Variants in TTC17 observed in about 807,000 individuals in gnomAD.
TTC17 encodes tetratricopeptide repeat protein 17.
Under a neutral mutation model 143.8 loss-of-function variants are expected in TTC17, and 58 were observed. That is an observed-to-expected ratio of 0.40 (90% confidence interval 0.33 to 0.50). The LOEUF is 0.50. Among genes scored for constraint, TTC17 ranks in the 20% least tolerant of loss-of-function variants. TTC17 has a pLI of 0.49. For synonymous variants in TTC17, 501 were observed against 497.8 expected (o/e 1.01, Z -0.09); for missense variants, 1,273 against 1,392.5 (o/e 0.91, Z 1.37).
At chr11:43,418,254 G>A (rs941496861) in intron 16 of TTC17, among the ~76,000 whole-genome samples, 3 of 152,128 alleles carry the variant, frequency 2.0e-5, no homozygotes, top group African/African-American at 7.2e-5. Flanking sequence ...TATAGCAGCT[G>A]TTTATCATCA....
intron 10 of TTC17, among the ~76,000 whole-genome samples, 158 bp from the exon 11 acceptor site, chr11:43,403,840 G>A: frequency 7.5e-6 from 1 of 133,434 alleles, no homozygotes; most frequent in Admixed American, 7.5e-5. Context: ...ATATCGTTGG[G>A]GCATAGTTCT....
chr11:43,412,010 C>T (rs1858434954), intron 15 of TTC17, among the ~76,000 whole-genome samples: 3 of 152,112 alleles, frequency 2.0e-5, no homozygotes, highest in African/African-American at 7.2e-5. Context: ...ATCTTTTTAA[C>T]TATTTTTAAT....
Position 43,451,235 on chromosome 11 carries a change from T to G in TTC17, c.3000T>G (p.Ile1000Met), listed in dbSNP as rs1947652010. ...DQYPQQSLEQ[I>M]GTRIAKVLEK... ...ATCCACAACAGTCGCTTGAACAGAT[T>G]GGCACCCGAATTGCCAAAGTTTTGG... The change falls in exon 21 of 24, where the codon ATT becomes ATG. Residue 1000 changes from isoleucine (I) to methionine (M), a missense_variant. This residue lies in a region of TTC17 where 878 missense variants were observed against 899.8 expected (regional missense o/e 0.98). Coordinates refer to ENST00000039989, the MANE Select transcript of TTC17 (RefSeq NM_018259.6). 2 of 1,613,678 alleles carry G rather than the reference T, an allele frequency of 1.2e-6. No homozygotes were observed. The highest frequency in any genetic ancestry group is 1.3e-5 in the African/African-American group (1 of 75,054).
At chr11:43,396,926 C>G (rs1378390597) in intron 6 of TTC17, 108 bp downstream of exon 6, 1 of 529,232 alleles carries the variant, frequency 1.9e-6, no homozygotes, top group East Asian at 3.1e-5. Flanking sequence ...ATACTTTTCT[C>G]CATCCCTGTT....
intron 21 of TTC17, among the ~76,000 whole-genome samples, chr11:43,488,044 A>C (rs1292677334): frequency 6.6e-6 from 1 of 152,218 alleles, no homozygotes; most frequent in Non-Finnish European, 1.5e-5. Context: ...TAAAAATATG[A>C]ATTTTGGGGG....
intron 1 of TTC17, among the ~76,000 whole-genome samples, chr11:43,365,192 C>T (rs998661126): frequency 4.6e-5 from 7 of 152,176 alleles, no homozygotes; most frequent in African/African-American, 1.7e-4. Flanking sequence ...CCTTGAACTC[C>T]TAGGCTCAAG....
At chr11:43,445,951 A>G in intron 18 of TTC17, 1 of 1,437,608 alleles carries the variant, frequency 7.0e-7, no homozygotes, top group Non-Finnish European at 9.5e-7. Flanking sequence ...CTGGAAGACC[A>G]GGAAAGTGCC....
intron 15 of TTC17, among the ~76,000 whole-genome samples, chr11:43,410,803 A>G (rs1858375407): frequency 6.6e-6 from 1 of 152,194 alleles, no homozygotes; most frequent in Admixed American, 6.5e-5. Context: ...CTATCTTTCC[A>G]GTTGCTCAGA....
intron 2 of TTC17, among the ~76,000 whole-genome samples, chr11:43,385,996 A>T (rs1416959935): frequency 6.6e-6 from 1 of 151,970 alleles, no homozygotes; most frequent in Non-Finnish European, 1.5e-5. Context: ...TAAAGACATA[A>T]TTATTAATAC....
intron 21 of TTC17, among the ~76,000 whole-genome samples, chr11:43,462,020 T>C (rs1353856753): frequency 1.3e-5 from 2 of 149,006 alleles, no homozygotes; most frequent in East Asian, 4.0e-4. Context: ...ATGGCGAATA[T>C]AGACCCAAGC....
intron 7 of TTC17, 46 bp downstream of exon 7, chr11:43,397,537 CTTTT>C (rs376723044): frequency 6.3e-4 from 760 of 1,211,996 alleles, no homozygotes; most frequent in South Asian, 1.9e-3. Flanking sequence ...TTGCCACTTT[CTTTT>C]TTTTTTTTTT....
intron 22 of TTC17, chr11:43,491,716 G>T: frequency 3.1e-6 from 1 of 317,562 alleles, no homozygotes; most frequent in South Asian, 4.4e-5. Flanking sequence ...AGTCTGCAAT[G>T]AGACAAGGAG....
intron 21 of TTC17, among the ~76,000 whole-genome samples, chr11:43,484,065 C>A (rs536049292): frequency 4.6e-4 from 70 of 152,114 alleles, no homozygotes; most frequent in Non-Finnish European, 9.0e-4. Flanking sequence ...TCACTTGAAC[C>A]CAGGAGGCGG....
intron 1 of TTC17, among the ~76,000 whole-genome samples, chr11:43,376,346 A>T (rs1490228890): frequency 6.6e-6 from 1 of 152,212 alleles, no homozygotes; most frequent in Non-Finnish European, 1.5e-5. Context: ...ATACTTGATC[A>T]GGTTTTCCCT....
At chr11:43,409,129 T>C (rs899030682) in intron 15 of TTC17, among the ~76,000 whole-genome samples, 1 of 152,260 alleles carries the variant, frequency 6.6e-6, no homozygotes, top group East Asian at 1.9e-4. Flanking sequence ...TATTTCATAA[T>C]GTTTCAACTC....
intron 1 of TTC17, among the ~76,000 whole-genome samples, chr11:43,375,645 T>TAA (rs910030814): frequency 6.8e-6 from 1 of 146,370 alleles, no homozygotes; most frequent in Admixed American, 6.8e-5. Context: ...GAATACCATT[T>TAA]AAAAAAAAAA....
chr11:43,453,061 G>A (rs1439119064), intron 21 of TTC17, among the ~76,000 whole-genome samples: 5 of 152,142 alleles, frequency 3.3e-5, no homozygotes, highest in African/African-American at 1.2e-4. Context: ...AGGCCAAACA[G>A]GTCAGTAGTA....
intron 23 of TTC17, 140 bp downstream of exon 23, chr11:43,492,303 T>C: frequency 8.5e-7 from 1 of 1,173,308 alleles, no homozygotes; most frequent in Non-Finnish European, 1.2e-6. Context: ...CAATGTTATA[T>C]TTTATGGATA....
At chr11:43,359,291 A>T (rs779800544) in intron 1 of TTC17, 178 bp downstream of exon 1, 42 of 745,752 alleles carry the variant, frequency 5.6e-5, no homozygotes, top group Non-Finnish European at 8.5e-5. Flanking sequence ...CCCGCTCCCC[A>T]CTTGTCTCCT....
Sources: gnomAD v4.1 joint callset for allele counts (sites outside exome capture counted in the v4.1 genomes callset) on GRCh38, gnomAD v4.1.1 for gene constraint, gnomAD v4.1.1 regional missense constraint, MANE v1.5 for transcripts, NCBI Gene and HGNC (gene_info 2026-07-23, HGNC 2026-07-21) for gene names.